ZHX3: variants seen among roughly 807,000 people sequenced by gnomAD.
ZHX3 encodes the protein zinc fingers and homeoboxes protein 3.
In ZHX3, 20 loss-of-function variants were observed where a neutral mutation model predicts 64.5. That is an observed-to-expected ratio of 0.31 (90% CI 0.22 to 0.45). The LOEUF is 0.45. ZHX3 is among the 20% of genes least tolerant of loss of function. ZHX3 has a pLI of 1.00. For synonymous variants in ZHX3, 423 were observed against 461.6 expected (o/e 0.92, Z 1.07); for missense variants, 1,041 against 1,195.8 (o/e 0.87, Z 1.91).
chr20:41,204,975 A>C lies in ZHX3; in HGVS notation c.-59T>G. 6.8e-7 allele frequency: 1 copy of C among 1,472,322 alleles called. No homozygotes were observed. The highest frequency in any genetic ancestry group is 1.4e-5 in the African/African-American group (1 of 70,938). 91.2% of individuals were successfully genotyped at this position (1,472,322 alleles called of 1,614,324 possible). ...CTTGTCCCATAAGGGGCCTAACAAT[A>C]CAAGTTCCAGCTTCTCGATGAGGGC... is the stretch of plus-strand genomic sequence containing the variant. On this transcript the variant is annotated 5_prime_UTR_variant, in exon 3 of 4. Transcript: ENST00000683867. The surrounding 1 kb of genome is among the most constrained non-coding windows in gnomAD (Gnocchi z 6.6).
chr20:41,260,534 T>A (rs970808298), intron 2 of ZHX3, among the ~76,000 whole-genome samples: 3 of 152,202 alleles, frequency 2.0e-5, no homozygotes, highest in Non-Finnish European at 4.4e-5. Flanking sequence ...CTTGAGGGAA[T>A]ACAACCCAAT....
intron 3 of ZHX3, among the ~76,000 whole-genome samples, chr20:41,190,858 T>C (rs2036958190): frequency 6.6e-6 from 1 of 152,182 alleles, no homozygotes; most frequent in African/African-American, 2.4e-5. Context: ...TGTCAACATA[T>C]TATCTCATTT....
chr20:41,262,818 G>C (rs2042629260), intron 2 of ZHX3, among the ~76,000 whole-genome samples: 2 of 151,912 alleles, frequency 1.3e-5, no homozygotes. Flanking sequence ...AAACATTAAG[G>C]GGTGAAAAAA....
chr20:41,242,500 A>T (rs1178826569), intron 2 of ZHX3, among the ~76,000 whole-genome samples: 1 of 152,204 alleles, frequency 6.6e-6, no homozygotes, highest in Non-Finnish European at 1.5e-5. Flanking sequence ...AAAGAATGCA[A>T]ATAGGGTGAG....
At chr20:41,281,127 A>T (rs1456893926) in intron 1 of ZHX3, among the ~76,000 whole-genome samples, 1 of 152,234 alleles carries the variant, frequency 6.6e-6, no homozygotes, top group Non-Finnish European at 1.5e-5. Flanking sequence ...GGAAAATTGT[A>T]TTTGCACCAG....
At chr20:41,251,959 G>A (rs1365138749) in intron 2 of ZHX3, among the ~76,000 whole-genome samples, 3 of 152,110 alleles carry the variant, frequency 2.0e-5, no homozygotes, top group Non-Finnish European at 4.4e-5. Context: ...TCTTTCCTAT[G>A]TTTTTCAGAT....
rs181600579 is a variant in ZHX3, at chr20:41,183,282, T to A, written c.*1909A>T. ...AAGGAAAGCAATCACTCGCCATTCT[T>A]GGCAATTCCTCAAAGGTTTTTGAGA... On this transcript the variant is annotated 3_prime_UTR_variant, in exon 4 of 4. Transcript: ENST00000683867. The surrounding 1 kb of genome is among the most constrained non-coding windows in gnomAD (Gnocchi z 5.3). The A allele has an allele frequency of 7.5e-4, 115 of 152,370 alleles. No individual in the cohort carries two copies. Among genetic ancestry groups the A allele is most frequent in the African/African-American group, 2.6e-3 (108 of 41,588 alleles). The allele number at this position is 152,370 out of a possible 1,614,324, so 9.4% of individuals were successfully genotyped here. A position where few individuals can be genotyped will look rare whatever the true frequency, so the allele number is the denominator to read the frequency against.
chr20:41,242,652 A>G (rs531655597), intron 2 of ZHX3, among the ~76,000 whole-genome samples: 53 of 152,254 alleles, frequency 3.5e-4, no homozygotes, highest in African/African-American at 1.2e-3. Context: ...ATGGAAAACC[A>G]ATGACGTTTT....
At chr20:41,240,799 A>G (rs1159443463) in intron 2 of ZHX3, among the ~76,000 whole-genome samples, 1 of 152,232 alleles carries the variant, frequency 6.6e-6, no homozygotes, top group Non-Finnish European at 1.5e-5. Context: ...TTCACTTAAC[A>G]TAATGACCTC....
At chr20:41,250,386 T>TA (rs1219899885) in intron 2 of ZHX3, among the ~76,000 whole-genome samples, 3 of 152,146 alleles carry the variant, frequency 2.0e-5, no homozygotes, top group Admixed American at 2.0e-4. Flanking sequence ...AAGTAGATTT[T>TA]AAAAAATCAC....
chr20:41,184,853 C>T lies in ZHX3; in HGVS notation c.*338G>A, dbSNP rs1417978628. On this transcript the variant is annotated 3_prime_UTR_variant, in exon 4 of 4. Transcript: ENST00000683867. Reference sequence around the variant, plus strand: ...GTTGATAATCTGATGTTTTATTTAACATATAGAGGTGGATGTATATGTTAA... The same window carrying T: ...GTTGATAATCTGATGTTTTATTTAATATATAGAGGTGGATGTATATGTTAA... 1.4e-6 allele frequency: 2 copies of T among 1,453,888 alleles called. No individual in the cohort carries two copies. Among genetic ancestry groups the T allele is most frequent in the East Asian group, 2.5e-5 (1 of 40,156 alleles). The allele number at this position is 1,453,888 out of a possible 1,614,324, so 90.1% of individuals were successfully genotyped here. A position where few individuals can be genotyped will look rare whatever the true frequency, so the allele number is the denominator to read the frequency against.
At chr20:41,255,496 C>T (rs2042201923) in intron 2 of ZHX3, among the ~76,000 whole-genome samples, 1 of 152,138 alleles carries the variant, frequency 6.6e-6, no homozygotes. Flanking sequence ...AGAGCTAAGT[C>T]TTACAAATTA....
At chr20:41,253,950 G>A (rs1407465558) in intron 2 of ZHX3, among the ~76,000 whole-genome samples, 1 of 151,910 alleles carries the variant, frequency 6.6e-6, no homozygotes, top group African/African-American at 2.4e-5. Flanking sequence ...TAAAATGTTG[G>A]AAAAAAATTC....
chr20:41,288,827 T>C (rs2044072274), intron 1 of ZHX3, among the ~76,000 whole-genome samples: 3 of 152,202 alleles, frequency 2.0e-5, no homozygotes, highest in Admixed American at 2.0e-4. Flanking sequence ...TCCTAAATTA[T>C]CTCTAAAGTG....
At chr20:41,303,811 C>T (rs1368702236) in intron 1 of ZHX3, among the ~76,000 whole-genome samples, 1 of 152,156 alleles carries the variant, frequency 6.6e-6, no homozygotes, top group Non-Finnish European at 1.5e-5. Context: ...ATCCTAAAAT[C>T]ACCCCTTCCT....
chr20:41,224,854 C>G lies in ZHX3; in HGVS notation c.-150-19788G>C, dbSNP rs773926670. Among the ~76,000 whole-genome samples, 7 of 152,238 alleles carry G rather than the reference C, an allele frequency of 4.6e-5. No homozygotes were observed. Among genetic ancestry groups the G allele is most frequent in the Non-Finnish European group, 8.8e-5 (6 of 68,034 alleles). On this transcript the variant is annotated intron_variant, in intron 2 of 3. Coordinates refer to ENST00000683867, the MANE Select transcript of ZHX3 (RefSeq NM_001384317.1). This position sits in a 1 kb window ranked among gnomAD's most constrained non-coding sequence, Gnocchi z 5.2. Reference sequence around the variant, plus strand: ...CTTTGGGGGCTCCCCCAAATCCAAGCTGAATTATTCTCTATCACAGCATCC... The same window carrying G: ...CTTTGGGGGCTCCCCCAAATCCAAGGTGAATTATTCTCTATCACAGCATCC...
At chr20:41,250,552 G>C (rs2041940860) in intron 2 of ZHX3, among the ~76,000 whole-genome samples, 1 of 152,060 alleles carries the variant, frequency 6.6e-6, no homozygotes, top group South Asian at 2.1e-4. Context: ...CAACACTTAT[G>C]AAACAATAGC....
chr20:41,192,629 G>A (rs1356967785), intron 3 of ZHX3, among the ~76,000 whole-genome samples: 2 of 152,254 alleles, frequency 1.3e-5, no homozygotes, highest in African/African-American at 2.4e-5. Context: ...CCCAGCTGCA[G>A]TAACCCAGTC....
At chr20:41,306,572 G>C (rs1003036080) in intron 1 of ZHX3, among the ~76,000 whole-genome samples, 1 of 152,180 alleles carries the variant, frequency 6.6e-6, no homozygotes, top group South Asian at 2.1e-4. Context: ...TTGGTGTCCA[G>C]CATAGTATCT....
Sources: allele counts gnomAD v4.1 joint callset (sites outside exome capture counted in the v4.1 genomes callset), GRCh38; gene constraint gnomAD v4.1.1; non-coding constraint Gnocchi (gnomAD v3.1); transcripts MANE v1.5; gene names NCBI Gene and HGNC (gene_info 2026-07-23, HGNC 2026-07-21).